Variants in CCR10 observed in about 807,000 individuals in gnomAD.
CCR10 encodes C-C chemokine receptor type 10.
Under a neutral mutation model 11.9 loss-of-function variants are expected in CCR10, and 11 were observed. The ratio of observed to expected loss-of-function variants is 0.92; its 90% CI spans 0.58 to 1.53. The LOEUF (loss-of-function observed/expected upper bound fraction) is 1.53, where lower values mean the gene tolerates loss of function less well. Ranked by LOEUF, CCR10 falls within the 40% of genes most tolerant of loss-of-function variation. CCR10 has a pLI of 0.00. For synonymous variants in CCR10, 224 were observed against 245.4 expected, an observed-to-expected ratio of 0.91 and a Z score of 0.81; for missense variants, 428 against 496.6, an observed-to-expected ratio of 0.86 and a Z score of 1.31.
Position 42,680,044 on chromosome 17 carries a change from T to C in CCR10, c.598A>G (p.Thr200Ala). Reference sequence around the variant, plus strand: ...GCGCTCGCCCCCTTCACCGTCTGCGTGAGGCCCTCGGGGAAGATGAGGCGA... The same window carrying C: ...GCGCTCGCCCCCTTCACCGTCTGCGCGAGGCCCTCGGGGAAGATGAGGCGA... ...RCRLIFPEGL[T>A]QTVKGASAVA... The change falls in exon 2 of 2, where the codon ACG becomes GCG. Residue 200 changes from threonine (T) to alanine (A), a missense_variant. Coordinates refer to ENST00000332438, the MANE Select transcript of CCR10 (RefSeq NM_016602.3). 6.3e-7 allele frequency: 1 copy of C among 1,596,806 alleles called. No individual in the cohort carries two copies. The highest frequency in any genetic ancestry group is 8.5e-7 in the Non-Finnish European group (1 of 1,175,378).
At position 42,679,752 on chromosome 17, in the gene CCR10, C is replaced by T. The variant is rs1406454101; in HGVS notation, c.890G>A (p.Gly297Asp). The T allele has an allele frequency of 1.9e-6, 3 of 1,597,580 alleles. No homozygotes were observed. Among genetic ancestry groups the T allele is most frequent in the Admixed American group, 1.7e-5 (1 of 58,180 alleles). ...GAGGCCACAGCGGGCGAGGGCCAAGCCGCTGGTCACCAGCAGTGCGACATC... is the reference window on the plus strand; with the variant it reads ...GAGGCCACAGCGGGCGAGGGCCAAGTCGCTGGTCACCAGCAGTGCGACATC... Reference protein sequence around the residue: ...RKDVALLVTSGLALARCGLNP... With the variant: ...RKDVALLVTSDLALARCGLNP... Residue 297 changes from glycine (G) to aspartate (D), a missense_variant, in exon 2 of 2, where the codon GGC becomes GAC. By Grantham distance (94) the Gly-to-Asp change is moderately conservative. Coordinates refer to ENST00000332438, the MANE Select transcript of CCR10 (RefSeq NM_016602.3).
chr17:42,680,181 G>A lies in CCR10; in HGVS notation c.461C>T (p.Thr154Ile), dbSNP rs757938393. The A allele has an allele frequency of 6.2e-7, 1 of 1,610,278 alleles. No individual in the cohort carries two copies. Among genetic ancestry groups the A allele is most frequent in the African/African-American group, 1.3e-5 (1 of 74,968 alleles). The stretch of plus-strand genomic sequence containing the variant: ...GGAGACCAAGTGTGCGCGGCCGGGA[G>A]TGGAGGGCCGCGGCCCGGCTGGGAG... ...RALPAGPRPS[T>I]PGRAHLVSVI... is the part of the protein sequence containing the mutation. Residue 154 changes from threonine (T) to isoleucine (I), a missense_variant, in exon 2 of 2, where the codon ACT becomes ATT. Physicochemically the swap from Thr to Ile is moderately conservative, Grantham distance 89. Transcript: ENST00000332438.
Position 42,680,198 on chromosome 17 carries a change from G to T in CCR10, c.444C>A (p.Ala148=). 4 of 1,605,732 alleles carry T rather than the reference G, an allele frequency of 2.5e-6. No homozygotes were observed. Among genetic ancestry groups the T allele is most frequent in the Non-Finnish European group, 2.5e-6 (3 of 1,176,770 alleles). Residue 148 remains alanine, a synonymous_variant, in exon 2 of 2, where the codon GCC becomes GCA. Transcript: ENST00000332438. ...GGCCGGGAGTGGAGGGCCGCGGCCC[G>T]GCTGGGAGCGCTCGCGCGATGGCCA... ...RYVAIARALP[A]GPRPSTPGRA...
chr17:42,679,783 G>T lies in CCR10; in HGVS notation c.859C>A (p.Arg287Ser). 1 of 1,607,014 alleles carries T rather than the reference G, an allele frequency of 6.2e-7. No homozygotes were observed. Among genetic ancestry groups the T allele is most frequent in the Non-Finnish European group, 8.5e-7 (1 of 1,177,850 alleles). ...GTCACCAGCAGTGCGACATCCTTGC[G>T]TTTGCTGGCAGGGCAGCTCCGCTCG... ...ARERSCPASKRKDVALLVTSG... is the reference protein window; with the variant it reads ...ARERSCPASKSKDVALLVTSG... The change falls in exon 2 of 2, where the codon CGC becomes AGC. Residue 287 changes from arginine to serine, a missense_variant. Coordinates refer to ENST00000332438, the MANE Select transcript of CCR10 (RefSeq NM_016602.3).
chr17:42,680,874 C>T (rs531648869), intron 1 of CCR10, among the ~76,000 whole-genome samples: 3 of 152,318 alleles, frequency 2.0e-5, no homozygotes, highest in Admixed American at 1.3e-4. Flanking sequence ...CCTCAGTTAC[C>T]TAACCTGTAA....
At position 42,679,047 on chromosome 17, in the gene CCR10, A is replaced by C. The variant is rs1277294092; in HGVS notation, c.*506T>G. ...GGCCCACAGCGTCCCCGACAGTCTG[A>C]ACATTCCAATAGCGGGAACTCAGTA... On this transcript the variant is annotated 3_prime_UTR_variant, in exon 2 of 2. Transcript: ENST00000332438. 6.7e-6 allele frequency: 1 copy of C among 150,258 alleles called. No homozygotes were observed. Among genetic ancestry groups the C allele is most frequent in the Non-Finnish European group, 1.5e-5 (1 of 67,714 alleles). 9.3% of individuals were successfully genotyped at this position (150,258 alleles called of 1,614,324 possible).
At chr17:42,680,910 C>T (rs549984475) in intron 1 of CCR10, among the ~76,000 whole-genome samples, 2 of 152,246 alleles carry the variant, frequency 1.3e-5, no homozygotes, top group Non-Finnish European at 2.9e-5. Context: ...TCCTGACCAG[C>T]CCACCTCTCA....
Position 42,680,290 on chromosome 17 carries a change from C to G in CCR10, c.352G>C (p.Gly118Arg), listed in dbSNP as rs1012365278. The change falls in exon 2 of 2, where the codon GGC (glycine) becomes CGC (arginine). Residue 118 changes from glycine to arginine, a missense_variant. Transcript: ENST00000332438. The stretch of plus-strand genomic sequence containing the variant: ...GCGTGGAAGGAGGCCGAGTAGAGGC[C>G]AGAGATGGTGCGGCAGGTGGCACTT... ...LGSATCRTIS[G>R]LYSASFHAGF... is the part of the protein sequence containing the mutation. 2 of 1,560,648 alleles carry G rather than the reference C, an allele frequency of 1.3e-6. No homozygotes were observed. Among genetic ancestry groups the G allele is most frequent in the Non-Finnish European group, 1.7e-6 (2 of 1,152,620 alleles).
intron 1 of CCR10, 72 bp from the exon 2 acceptor site, chr17:42,680,689 C>T: frequency 5.5e-6 from 6 of 1,100,726 alleles, no homozygotes; most frequent in Non-Finnish European, 7.9e-6. Context: ...CCCACACTTG[C>T]CTTCCAAGCT....
At position 42,679,985 on chromosome 17, in the gene CCR10, C is replaced by T; in HGVS notation, c.657G>A (p.Pro219=). 1 of 1,569,872 alleles carries T rather than the reference C, an allele frequency of 6.4e-7. No individual in the cohort carries two copies. The highest frequency in any genetic ancestry group is 8.6e-7 in the Non-Finnish European group (1 of 1,163,250). Residue 219 remains proline (P), a synonymous_variant, in exon 2 of 2, where the codon CCG becomes CCA. Transcript: ENST00000332438. The part of the protein sequence containing the change: ...VAQVALGFAL[P]LGVMVACYAL... ...CGTAGCAGGCTACCATGACGCCCAGCGGCAGCGCGAAGCCCAGGGCCACCT... is the reference window on the plus strand; with the variant it reads ...CGTAGCAGGCTACCATGACGCCCAGTGGCAGCGCGAAGCCCAGGGCCACCT...
chr17:42,681,761 C>G, intron 1 of CCR10, 39 bp downstream of exon 1: 3 of 1,438,888 alleles, frequency 2.1e-6, no homozygotes, highest in Non-Finnish European at 2.9e-6. Context: ...TCTCCTCCCT[C>G]TCTGTAACCC....
chr17:42,678,996 C>G lies in CCR10; in HGVS notation c.*557G>C, dbSNP rs1484128329. ...CACCAAAAACGGGAATCCCCTGCCC[C>G]TCCCCCTCCCCCCACACCACGCAAA... is the stretch of plus-strand genomic sequence containing the variant. On this transcript the variant is annotated 3_prime_UTR_variant, in exon 2 of 2. Coordinates refer to ENST00000332438, the MANE Select transcript of CCR10 (RefSeq NM_016602.3). 1 of 152,452 alleles carries G rather than the reference C, an allele frequency of 6.6e-6. No homozygotes were observed. The highest frequency in any genetic ancestry group is 1.9e-4 in the East Asian group (1 of 5,204). The allele number at this position is 152,452 out of a possible 1,614,324, so 9.4% of individuals were successfully genotyped here. A position where few individuals can be genotyped will look rare whatever the true frequency, so the allele number is the denominator to read the frequency against.
In CCR10 at chr17:42,680,169, G is replaced by C; in HGVS notation, c.473C>G (p.Ala158Gly). The change falls in exon 2 of 2, where the codon GCA (alanine) becomes GGA (glycine). Residue 158 changes from alanine (A) to glycine (G), a missense_variant. Physicochemically the swap from Ala to Gly is moderately conservative, Grantham distance 60. Coordinates refer to ENST00000332438, the MANE Select transcript of CCR10 (RefSeq NM_016602.3). Reference protein sequence around the residue: ...AGPRPSTPGRAHLVSVIVWLL... With the variant: ...AGPRPSTPGRGHLVSVIVWLL... Reference sequence around the variant, plus strand: ...CCACACGATGACGGAGACCAAGTGTGCGCGGCCGGGAGTGGAGGGCCGCGG... The same window carrying C: ...CCACACGATGACGGAGACCAAGTGTCCGCGGCCGGGAGTGGAGGGCCGCGG... The C allele has an allele frequency of 6.2e-7, 1 of 1,611,944 alleles. No homozygotes were observed. Among genetic ancestry groups the C allele is most frequent in the Non-Finnish European group, 8.5e-7 (1 of 1,179,552 alleles).
At chr17:42,681,606 C>T (rs547963155) in intron 1 of CCR10, among the ~76,000 whole-genome samples, 194 bp downstream of exon 1, 72 of 152,304 alleles carry the variant, frequency 4.7e-4, no homozygotes, top group Non-Finnish European at 7.9e-4. Context: ...TCCCCTCAGC[C>T]CTAGTCCCTG....
chr17:42,679,414 A>G lies in CCR10; in HGVS notation c.*139T>C, dbSNP rs1597799817. ...AAAATAGTAACAGTTGTTGGGTTGCATCTCATTTCCATGTTATCAATTTAA... is the reference window on the plus strand; with the variant it reads ...AAAATAGTAACAGTTGTTGGGTTGCGTCTCATTTCCATGTTATCAATTTAA... On this transcript the variant is annotated 3_prime_UTR_variant, in exon 2 of 2. Transcript: ENST00000332438. 13 of 549,656 alleles carry G rather than the reference A, an allele frequency of 2.4e-5. No homozygotes were observed. In the East Asian group the frequency reaches 4.0e-4, roughly 17 times the overall value. 34.0% of individuals were successfully genotyped at this position (549,656 alleles called of 1,614,324 possible).
chr17:42,680,702 G>C, intron 1 of CCR10, 85 bp from the exon 2 acceptor site: 1 of 939,432 alleles, frequency 1.1e-6, no homozygotes, highest in South Asian at 1.6e-5. Flanking sequence ...TCCAAGCTGA[G>C]AGCTCCTGTG....
chr17:42,680,704 G>T (rs542607084), intron 1 of CCR10, 87 bp from the exon 2 acceptor site: 2 of 909,056 alleles, frequency 2.2e-6, no homozygotes, highest in Non-Finnish European at 3.4e-6. Flanking sequence ...CAAGCTGAGA[G>T]CTCCTGTGTG....
intron 1 of CCR10, among the ~76,000 whole-genome samples, chr17:42,681,026 T>C (rs1328549114): frequency 1.3e-5 from 2 of 152,010 alleles, no homozygotes; most frequent in East Asian, 3.8e-4. Context: ...TTTATTATTA[T>C]TATTATTGGA....
chr17:42,680,104 T>C lies in CCR10; in HGVS notation c.538A>G (p.Ser180Gly), dbSNP rs1490276944. Residue 180 changes from serine to glycine, a missense_variant, in exon 2 of 2, where the codon AGC becomes GGC. Transcript: ENST00000332438. Reference sequence around the variant, plus strand: ...TGGCCTTCCCGCTGCCCATCCTGGCTGAAGAGCAGCGCAGGCAGCGCCAGG... The same window carrying C: ...TGGCCTTCCCGCTGCCCATCCTGGCCGAAGAGCAGCGCAGGCAGCGCCAGG... The part of the protein sequence containing the change: ...LLLALPALLF[S>G]QDGQREGQRR... The C allele has an allele frequency of 6.2e-7, 1 of 1,611,562 alleles. No individual in the cohort carries two copies. Among genetic ancestry groups the C allele is most frequent in the South Asian group, 1.1e-5 (1 of 90,962 alleles).
Sources: gnomAD v4.1 joint callset for allele counts (sites outside exome capture counted in the v4.1 genomes callset) on GRCh38, gnomAD v4.1.1 for gene constraint, MANE v1.5 for transcripts, NCBI Gene and HGNC (gene_info 2026-07-23, HGNC 2026-07-21) for gene names.